Variants in NPR3 observed in about 807,000 individuals in gnomAD.
NPR3 encodes atrial natriuretic peptide receptor 3.
NPR3 carries 34 observed loss-of-function variants against 54.5 expected under a neutral mutation model. The observed-to-expected ratio is 0.62, with a 90% CI of 0.47 to 0.83. The LOEUF (loss-of-function observed/expected upper bound fraction) is 0.83. Ranked by LOEUF, NPR3 falls within the 40% of genes least tolerant of loss-of-function variation. The probability of loss-of-function intolerance (pLI) is 0.00; values close to 1 mark genes in which losing one functional copy is unlikely to be tolerated. For missense variants in NPR3, 674 were observed against 720.8 expected (o/e 0.94, Z 0.74); for synonymous variants, 289 against 297.1 (o/e 0.97, Z 0.28).
chr5:32,760,152 T>G (rs1374554716), intron 3 of NPR3, among the ~76,000 whole-genome samples: 1 of 152,172 alleles, frequency 6.6e-6, no homozygotes, highest in Non-Finnish European at 1.5e-5. Context: ...TTGGAACTAT[T>G]GTGACCGAAG....
At chr5:32,728,548 T>C (rs554397387) in intron 2 of NPR3, among the ~76,000 whole-genome samples, 1 of 151,662 alleles carries the variant, frequency 6.6e-6, no homozygotes, top group South Asian at 2.1e-4. Flanking sequence ...ATAGAATTAA[T>C]TGAGATACTT....
At chr5:32,730,386 G>T (rs1436417174) in intron 2 of NPR3, among the ~76,000 whole-genome samples, 1 of 152,200 alleles carries the variant, frequency 6.6e-6, no homozygotes. Flanking sequence ...AATGGTGAAA[G>T]ACTGAATGCT....
At chr5:32,735,723 T>C (rs1739703846) in intron 2 of NPR3, among the ~76,000 whole-genome samples, 2 of 152,166 alleles carry the variant, frequency 1.3e-5, no homozygotes, top group Non-Finnish European at 2.9e-5. Context: ...GTCTACTGCA[T>C]TAAGTTTGTC....
intron 1 of NPR3, among the ~76,000 whole-genome samples, chr5:32,695,477 T>C (rs1410553655): frequency 6.6e-6 from 1 of 152,130 alleles, no homozygotes; most frequent in East Asian, 1.9e-4. Flanking sequence ...ACGGTGTTAG[T>C]CAGGATGATC....
intron 5 of NPR3, among the ~76,000 whole-genome samples, chr5:32,781,041 CTTAG>C (rs1403197357): frequency 1.3e-5 from 2 of 151,972 alleles, no homozygotes; most frequent in Non-Finnish European, 1.5e-5. Flanking sequence ...AGAATCACAC[CTTAG>C]TCTTGTGGAT....
intron 3 of NPR3, among the ~76,000 whole-genome samples, chr5:32,762,743 A>G (rs2112017649): frequency 6.6e-6 from 1 of 152,098 alleles, no homozygotes; most frequent in South Asian, 2.1e-4. Context: ...CCTTTGTCAG[A>G]TGGATAGATT....
chr5:32,748,180 C>T (rs764524532), intron 3 of NPR3, among the ~76,000 whole-genome samples: 9 of 152,174 alleles, frequency 5.9e-5, no homozygotes, highest in Non-Finnish European at 1.0e-4. Flanking sequence ...TGCTATTACT[C>T]TGCTGTTTTG....
At chr5:32,747,230 A>G (rs1322962835) in intron 3 of NPR3, among the ~76,000 whole-genome samples, 1 of 152,140 alleles carries the variant, frequency 6.6e-6, no homozygotes, top group Non-Finnish European at 1.5e-5. Context: ...AAAAATTTTG[A>G]TATTATCTCT....
Position 32,738,853 on chromosome 5 carries a change from T to C in NPR3, c.893-11T>C. The C allele has an allele frequency of 6.2e-7, 1 of 1,607,632 alleles. No homozygotes were observed. The highest frequency in any genetic ancestry group is 8.5e-7 in the Non-Finnish European group (1 of 1,177,214). On this transcript the variant is annotated splice_polypyrimidine_tract_variant and intron_variant, in intron 2 of 7. Transcript: ENST00000265074. ...GGCTTGGAATTATAAATATTTTTATTTCTTCCATAGGAGATGGCTCATGGA... is the reference window on the plus strand; with the variant it reads ...GGCTTGGAATTATAAATATTTTTATCTCTTCCATAGGAGATGGCTCATGGA...
At chr5:32,717,432 T>A (rs1276417329) in intron 1 of NPR3, among the ~76,000 whole-genome samples, 2 of 152,230 alleles carry the variant, frequency 1.3e-5, no homozygotes, top group Non-Finnish European at 2.9e-5. Context: ...TGCCACACTG[T>A]CTTCCACAAT....
intron 2 of NPR3, among the ~76,000 whole-genome samples, chr5:32,735,510 C>G (rs1739686192): frequency 6.7e-6 from 1 of 150,060 alleles, no homozygotes; most frequent in African/African-American, 2.5e-5. Flanking sequence ...AGAAAACTTG[C>G]TCATAATTGT....
intron 1 of NPR3, among the ~76,000 whole-genome samples, chr5:32,703,694 G>T (rs1372438934): frequency 6.6e-6 from 1 of 152,158 alleles, no homozygotes; most frequent in African/African-American, 2.4e-5. Flanking sequence ...TCCTTTTGGT[G>T]GCCTATCCTA....
At chr5:32,774,626 G>A (rs1469818892) in intron 3 of NPR3, 82 bp from the exon 4 acceptor site, 7 of 1,056,448 alleles carry the variant, frequency 6.6e-6, no homozygotes, top group Non-Finnish European at 8.9e-6. Flanking sequence ...AGTCTAACTT[G>A]TTAACGCTTT....
chr5:32,704,470 C>T (rs1322089524), upstream of NPR3, among the ~76,000 whole-genome samples: 2 of 151,896 alleles, frequency 1.3e-5, no homozygotes, highest in Non-Finnish European at 2.9e-5. Flanking sequence ...AGCCAGCTTG[C>T]TCTGTCTTCC....
chr5:32,712,025 GGAGGGCAACGGGA>G lies in NPR3; in HGVS notation c.250_262del (p.Glu84LeufsTer100), dbSNP rs1192428886. 1 of 1,613,802 alleles carries G rather than the reference GGAGGGCAACGGGA, an allele frequency of 6.2e-7. No homozygotes were observed. The highest frequency in any genetic ancestry group is 1.7e-5 in the Admixed American group (1 of 60,000). ...CCATCGAGTATGCTCTGCGCAGCGT[GGAGGGCAACGGGA>G]CTGGGAGGCGGCTTCTGCCGCCGGG... On this transcript the variant is annotated frameshift_variant, in exon 1 of 8. Transcript: ENST00000265074. LOFTEE classifies it high-confidence loss of function.
chr5:32,701,841 C>T (rs1039105393), intron 1 of NPR3, among the ~76,000 whole-genome samples: 1 of 152,214 alleles, frequency 6.6e-6, no homozygotes, highest in South Asian at 2.1e-4. Context: ...CAGGCAGAGA[C>T]TCTTCTTCTC....
chr5:32,723,327 T>C (rs556791053), intron 1 of NPR3, among the ~76,000 whole-genome samples: 2 of 152,332 alleles, frequency 1.3e-5, no homozygotes, highest in South Asian at 4.1e-4. Context: ...CTAGGCTGTG[T>C]AGCCCTTATG....
intron 1 of NPR3, among the ~76,000 whole-genome samples, chr5:32,723,134 C>A (rs981585476): frequency 1.3e-5 from 2 of 152,148 alleles, no homozygotes; most frequent in Non-Finnish European, 2.9e-5. Context: ...CATGCTTTTA[C>A]AAAGAACATA....
At chr5:32,725,143 A>G (rs1739075414) in intron 2 of NPR3, among the ~76,000 whole-genome samples, 1 of 152,194 alleles carries the variant, frequency 6.6e-6, no homozygotes, top group Middle Eastern at 3.2e-3. Flanking sequence ...GGTGGGTTAA[A>G]AAACCCTGTT....
Sources: gnomAD v4.1 joint callset for allele counts (sites outside exome capture counted in the v4.1 genomes callset) on GRCh38, gnomAD v4.1.1 for gene constraint, MANE v1.5 for transcripts, NCBI Gene and HGNC (gene_info 2026-07-23, HGNC 2026-07-21) for gene names.